The following SNTG2 variants were observed in gnomAD, a reference collection of about 807,000 sequenced individuals.
The protein encoded by SNTG2 is syntrophin gamma 2.
In SNTG2, 74 loss-of-function variants were observed where a neutral mutation model predicts 70.9. That is an observed-to-expected ratio of 1.04 (90% CI 0.86 to 1.27). The LOEUF is 1.27. SNTG2 is among the 50% of genes most tolerant of loss of function. SNTG2 has a pLI of 0.00. For synonymous variants in SNTG2, 278 were observed against 273.8 expected (o/e 1.02, Z -0.15); for missense variants, 717 against 690.7 (o/e 1.04, Z -0.43).
chr2:1,315,047 T>G lies in SNTG2; in HGVS notation c.1378-1218T>G, dbSNP rs113654316. On this transcript the variant is annotated intron_variant, in intron 15 of 16. Coordinates refer to ENST00000308624, the MANE Select transcript of SNTG2 (RefSeq NM_018968.4). ...CAGTGACTGAAGCATGATTTTGGAA[T>G]ATTCTCTTTCTAGATAGTGTCTGGC... Among the ~76,000 whole-genome samples the G allele has an allele frequency of 3.6e-3, 551 of 152,300 alleles. 2 individuals carry two copies. Among genetic ancestry groups the G allele is most frequent in the African/African-American group, 0.013 (520 of 41,554 alleles).
At chr2:1,161,784 T>C (rs4971400) in intron 6 of SNTG2, 95,928 of 152,000 alleles carry the variant, frequency 0.63, 33,583 homozygotes, top group Non-Finnish European at 0.81. Context: ...TAATTAAAAG[T>C]GCTCGTTTGG....
chr2:1,233,862 T>C (rs967770785), intron 9 of SNTG2, among the ~76,000 whole-genome samples: 6 of 151,608 alleles, frequency 4.0e-5, no homozygotes, highest in African/African-American at 1.2e-4. Flanking sequence ...GACTTCCCCA[T>C]GGATGGCGAG....
chr2:1,093,817 T>A (rs1349749204), intron 2 of SNTG2, among the ~76,000 whole-genome samples: 3 of 152,252 alleles, frequency 2.0e-5, no homozygotes, highest in African/African-American at 7.2e-5. Flanking sequence ...TGGGCTGGCT[T>A]AGGCAGCAGG....
At chr2:1,284,527 A>C (rs1185513628) in intron 14 of SNTG2, among the ~76,000 whole-genome samples, 5 of 152,144 alleles carry the variant, frequency 3.3e-5, no homozygotes, top group Non-Finnish European at 7.4e-5. Context: ...AAACCACCCA[A>C]AAAGAGAATA....
intron 8 of SNTG2, among the ~76,000 whole-genome samples, chr2:1,181,951 G>A (rs1388265499): frequency 6.6e-6 from 1 of 152,174 alleles, no homozygotes; most frequent in Non-Finnish European, 1.5e-5. Flanking sequence ...TTTAGGTTTG[G>A]AAGTACAGAA....
At chr2:1,180,247 C>T (rs1460286725) in intron 8 of SNTG2, among the ~76,000 whole-genome samples, 3 of 131,222 alleles carry the variant, frequency 2.3e-5, no homozygotes, top group African/African-American at 8.2e-5. Context: ...AGCTTCTGCA[C>T]AGCAAAAGAA....
intron 1 of SNTG2, among the ~76,000 whole-genome samples, chr2:1,074,957 C>A (rs2148147660): frequency 6.6e-6 from 1 of 152,280 alleles, no homozygotes; most frequent in South Asian, 2.1e-4. Flanking sequence ...ATTATTATTT[C>A]ACTGCGATGT....
At chr2:1,262,766 C>CTCCGTCCAGACGAGGCAACCG (rs1678504456) in intron 13 of SNTG2, 1 of 140,548 alleles carries the variant, frequency 7.1e-6, no homozygotes, top group South Asian at 2.3e-4. Context: ...CGAGGCAACC[C>CTCCGTCCAGACGAGGCAACCG]GAAGGCTCCG....
chr2:1,111,282 C>T (rs1361628946), intron 4 of SNTG2, among the ~76,000 whole-genome samples: 1 of 152,196 alleles, frequency 6.6e-6, no homozygotes, highest in African/African-American at 2.4e-5. Flanking sequence ...ACATCAGAAG[C>T]CCTGAAGTGT....
intron 1 of SNTG2, among the ~76,000 whole-genome samples, chr2:1,017,380 TAC>T (rs1415855215): frequency 6.6e-6 from 1 of 152,340 alleles, no homozygotes; most frequent in South Asian, 2.1e-4. Context: ...GACACACGTA[TAC>T]ACACATACAC....
At chr2:1,000,830 CA>C (rs1178761392) in intron 1 of SNTG2, among the ~76,000 whole-genome samples, 2 of 151,682 alleles carry the variant, frequency 1.3e-5, no homozygotes, top group African/African-American at 4.8e-5. Context: ...AAGCTACAGG[CA>C]AATATCATAG....
chr2:1,310,131 A>C (rs896592121), intron 15 of SNTG2, among the ~76,000 whole-genome samples: 4 of 152,204 alleles, frequency 2.6e-5, no homozygotes, highest in Non-Finnish European at 5.9e-5. Flanking sequence ...GCAATCTGAA[A>C]GGAGAATCCA....
chr2:1,149,341 G>A (rs536388132), intron 6 of SNTG2, among the ~76,000 whole-genome samples: 1 of 152,210 alleles, frequency 6.6e-6, no homozygotes, highest in East Asian at 1.9e-4. Context: ...TCTTTTCATT[G>A]TACAAAGGAA....
chr2:1,166,908 G>C (rs529581477), intron 7 of SNTG2, among the ~76,000 whole-genome samples: 4 of 152,142 alleles, frequency 2.6e-5, no homozygotes, highest in Non-Finnish European at 5.9e-5. Context: ...TGGCTGGGGT[G>C]GTTGGACGAG....
At chr2:1,132,137 C>T (rs1668057895) in intron 4 of SNTG2, among the ~76,000 whole-genome samples, 2 of 152,026 alleles carry the variant, frequency 1.3e-5, no homozygotes, top group African/African-American at 4.8e-5. Flanking sequence ...TTTCAGAAAT[C>T]TTTCATTTTA....
At chr2:1,006,939 G>A (rs1232361109) in intron 1 of SNTG2, among the ~76,000 whole-genome samples, 1 of 152,128 alleles carries the variant, frequency 6.6e-6, no homozygotes, top group Non-Finnish European at 1.5e-5. Flanking sequence ...TGAGGCAGGA[G>A]AATCGCTTGA....
intron 16 of SNTG2, among the ~76,000 whole-genome samples, chr2:1,356,121 C>G (rs1235952769): frequency 6.6e-6 from 1 of 152,106 alleles, no homozygotes; most frequent in Admixed American, 6.5e-5. Flanking sequence ...TAGGTATTTT[C>G]TCCTGTACCA....
intron 14 of SNTG2, among the ~76,000 whole-genome samples, chr2:1,275,237 C>T (rs777378878): frequency 5.3e-5 from 8 of 152,206 alleles, no homozygotes; most frequent in East Asian, 1.9e-4. Flanking sequence ...ATCCTTACCT[C>T]GGCAACTACA....
In SNTG2 at chr2:1,098,426, A is replaced by G. The variant is rs1318853887; in HGVS notation, c.325+16A>G. ...GACCAAGCAGGTAAAAACAGCCAAAATGACCTGTGTATGCATCACAGCCAT... is the reference window on the plus strand; with the variant it reads ...GACCAAGCAGGTAAAAACAGCCAAAGTGACCTGTGTATGCATCACAGCCAT... On this transcript the variant is annotated intron_variant, in intron 4 of 16. Coordinates refer to ENST00000308624, the MANE Select transcript of SNTG2 (RefSeq NM_018968.4). 6 of 1,613,474 alleles carry G rather than the reference A, an allele frequency of 3.7e-6. No individual in the cohort carries two copies. Among genetic ancestry groups the G allele is most frequent in the African/African-American group, 1.3e-5 (1 of 74,938 alleles).
Sources: gnomAD v4.1 joint callset for allele counts (sites outside exome capture counted in the v4.1 genomes callset) on GRCh38, gnomAD v4.1.1 for gene constraint, MANE v1.5 for transcripts, NCBI Gene and HGNC (gene_info 2026-07-23, HGNC 2026-07-21) for gene names.